Variants in SPTBN1 observed in about 807,000 individuals in gnomAD.
The protein encoded by SPTBN1 is spectrin beta chain, non-erythrocytic 1.
A neutral mutation model predicts 266.4 loss-of-function variants in SPTBN1; 32 were observed. The ratio of observed to expected loss-of-function variants is 0.12; its 90% CI spans 0.09 to 0.16. SPTBN1 has a LOEUF of 0.16. SPTBN1 is among the 10% of genes least tolerant of loss of function. SPTBN1 has a pLI of 1.00. For synonymous variants in SPTBN1, 1,336 were observed against 1,162.2 expected (o/e 1.15, Z -3.04); for missense variants, 2,296 against 3,067.1 (o/e 0.75, Z 5.94).
In SPTBN1 at chr2:54,509,952, CTTTCT is replaced by C. The variant is rs1352900767; in HGVS notation, c.-47-16416_-47-16412del. Among the ~76,000 whole-genome samples, 303 of 89,312 alleles carry C rather than the reference CTTTCT, an allele frequency of 3.4e-3. 1 individual carries two copies. The highest frequency in any genetic ancestry group is 5.5e-3 in the African/African-American group (101 of 18,246). The allele number at this position is 89,312 out of a possible 152,430, so 58.6% of individuals were successfully genotyped here. On this transcript the variant is annotated intron_variant, in intron 1 of 35. Transcript: ENST00000356805. ...ATAGTGTCTCTTTGTTCCTTGCTTT[CTTTCT>C]TTTTTTTTTTTTTTTTAATGATAAG... is the stretch of plus-strand genomic sequence containing the variant.
intron 7 of SPTBN1, among the ~76,000 whole-genome samples, chr2:54,618,869 CTCT>C: frequency 6.6e-6 from 1 of 152,296 alleles, no homozygotes; most frequent in South Asian, 2.1e-4. Flanking sequence ...GAACTAATCC[CTCT>C]TTACTCTGTG....
At chr2:54,632,122 CT>C (rs1358948298) in intron 16 of SPTBN1, among the ~76,000 whole-genome samples, 6 of 96,490 alleles carry the variant, frequency 6.2e-5, no homozygotes, top group Non-Finnish European at 1.1e-4. Context: ...TTTTTTTTTT[CT>C]TGAGACCAGT....
chr2:54,664,583 G>C lies in SPTBN1; in HGVS notation c.6551G>C (p.Ser2184Thr), dbSNP rs148708011. ...GCCAAGACTGCCCTCCCAGCCCAGAGTGCCGCCACCTTACCAGCCAGAACC... is the reference window on the plus strand; with the variant it reads ...GCCAAGACTGCCCTCCCAGCCCAGACTGCCGCCACCTTACCAGCCAGAACC... The part of the protein sequence containing the change: ...RKAKTALPAQ[S>T]AATLPARTQE... Residue 2184 changes from serine (S) to threonine (T), a missense_variant, in exon 33 of 36, where the codon AGT becomes ACT. Transcript: ENST00000356805. The surrounding 1 kb of genome is among the most constrained non-coding windows in gnomAD (Gnocchi z 5.6). 4 of 1,614,168 alleles carry C rather than the reference G, an allele frequency of 2.5e-6. No individual in the cohort carries two copies. The Middle Eastern group carries it at 4.9e-4, about 200-fold the overall frequency.
chr2:54,533,019 A>C lies in SPTBN1; in HGVS notation c.148+6453A>C, dbSNP rs1273397303. ...TTTTCACTTAAAGGAAGCATTTGAC[A>C]GTCGCTTCTTTTTAGCATATCTGAA... is the stretch of plus-strand genomic sequence containing the variant. On this transcript the variant is annotated intron_variant, in intron 2 of 35. Transcript: ENST00000356805. The surrounding 1 kb of genome is among the most constrained non-coding windows in gnomAD (Gnocchi z 4.2). 4.6e-5 allele frequency among the ~76,000 whole-genome samples: 7 copies of C among 151,978 alleles called. No homozygotes were observed. The highest frequency in any genetic ancestry group is 7.3e-5 in the African/African-American group (3 of 41,342).
intron 2 of SPTBN1, among the ~76,000 whole-genome samples, chr2:54,571,941 T>A (rs1317654873): frequency 6.6e-6 from 1 of 152,118 alleles, no homozygotes; most frequent in African/African-American, 2.4e-5. Context: ...AAACTAAAAC[T>A]CCAGGAAGGG....
At chr2:54,512,211 T>A (rs555503424) in intron 1 of SPTBN1, among the ~76,000 whole-genome samples, 1 of 152,348 alleles carries the variant, frequency 6.6e-6, no homozygotes, top group East Asian at 1.9e-4. Context: ...TGGGGACCCC[T>A]CTAATAGAGG....
chr2:54,554,030 G>A lies in SPTBN1; in HGVS notation c.148+27464G>A, dbSNP rs1015441209. On this transcript the variant is annotated intron_variant, in intron 2 of 35. Coordinates refer to ENST00000356805, the MANE Select transcript of SPTBN1 (RefSeq NM_003128.3). The surrounding 1 kb of genome is among the most constrained non-coding windows in gnomAD (Gnocchi z 4.5). Reference sequence around the variant, plus strand: ...CTAATAAAACCCACTCAGAACCACAGAACACTTCAAGCAGCAAGCTCTAGG... The same window carrying A: ...CTAATAAAACCCACTCAGAACCACAAAACACTTCAAGCAGCAAGCTCTAGG... Among the ~76,000 whole-genome samples, 6 of 152,166 alleles carry A rather than the reference G, an allele frequency of 3.9e-5. No individual in the cohort carries two copies. The highest frequency in any genetic ancestry group is 2.6e-4 in the Admixed American group (4 of 15,278).
At chr2:54,461,712 C>A (rs757459450) in intron 1 of SPTBN1, among the ~76,000 whole-genome samples, 1 of 152,152 alleles carries the variant, frequency 6.6e-6, no homozygotes, top group African/African-American at 2.4e-5. Flanking sequence ...ACATTATTAA[C>A]CATTTGGGTT....
chr2:54,622,437 A>G lies in SPTBN1; in HGVS notation c.1014A>G (p.Gln338=), dbSNP rs757603671. Reference sequence around the variant, plus strand: ...TTGCCAATTCACTGGTCGGGGTTCAACAGCAGCTTCAGGCATTCAACACTT... The same window carrying G: ...TTGCCAATTCACTGGTCGGGGTTCAGCAGCAGCTTCAGGCATTCAACACTT... ...RKFANSLVGV[Q]QQLQAFNTYR... Residue 338 remains glutamine (Q), a synonymous_variant, in exon 9 of 36, where the codon CAA becomes CAG. Transcript: ENST00000356805. The G allele has an allele frequency of 1.2e-6, 2 of 1,614,238 alleles. No homozygotes were observed. The highest frequency in any genetic ancestry group is 1.7e-6 in the Non-Finnish European group (2 of 1,180,040).
intron 2 of SPTBN1, among the ~76,000 whole-genome samples, chr2:54,567,743 A>G (rs970733600): frequency 1.3e-5 from 2 of 152,100 alleles, no homozygotes; most frequent in Non-Finnish European, 2.9e-5. Flanking sequence ...ACATTTATAT[A>G]TAAATTTCTT....
intron 1 of SPTBN1, among the ~76,000 whole-genome samples, chr2:54,473,620 C>T (rs1177694914): frequency 6.6e-6 from 1 of 151,988 alleles, no homozygotes; most frequent in Non-Finnish European, 1.5e-5. Context: ...ACTTAGCATA[C>T]CATTATCTGG....
At chr2:54,521,307 C>T (rs1187690835) in intron 1 of SPTBN1, among the ~76,000 whole-genome samples, 2 of 152,184 alleles carry the variant, frequency 1.3e-5, no homozygotes, top group African/African-American at 2.4e-5. Context: ...TAGAAGGGAC[C>T]TTTCCATGAT....
intron 29 of SPTBN1, among the ~76,000 whole-genome samples, chr2:54,656,872 G>A (rs773509085): frequency 2.4e-4 from 37 of 152,246 alleles, no homozygotes; most frequent in Admixed American, 2.0e-4. Flanking sequence ...ACACTGAACC[G>A]GGCACCAGCT....
chr2:54,561,344 G>T (rs1450676939), intron 2 of SPTBN1, among the ~76,000 whole-genome samples: 3 of 152,192 alleles, frequency 2.0e-5, no homozygotes, highest in African/African-American at 7.2e-5. Context: ...ATGTTGCTCA[G>T]GCTGGTGTTG....
chr2:54,508,165 G>A (rs1669671714), intron 1 of SPTBN1, among the ~76,000 whole-genome samples: 1 of 152,060 alleles, frequency 6.6e-6, no homozygotes, highest in African/African-American at 2.4e-5. Flanking sequence ...ACTAGTAAAG[G>A]CCGGTCCGTT....
chr2:54,662,127 A>C (rs374934676), intron 32 of SPTBN1: 10 of 985,240 alleles, frequency 1.0e-5, no homozygotes, highest in Non-Finnish European at 1.1e-5. Flanking sequence ...CAGCCACTAA[A>C]GCACTCTGGA....
Position 54,533,349 on chromosome 2 carries a change from A to ATGTGT in SPTBN1, c.148+6783_148+6784insTGTGT, listed in dbSNP as rs1491300403. Among the ~76,000 whole-genome samples the ATGTGT allele has an allele frequency of 7.0e-6, 1 of 141,884 alleles. No homozygotes were observed. The highest frequency in any genetic ancestry group is 2.7e-5 in the African/African-American group (1 of 37,702). 93.1% of individuals were successfully genotyped at this position (141,884 alleles called of 152,430 possible). A position where few individuals can be genotyped will look rare whatever the true frequency, so the allele number is the denominator to read the frequency against. On this transcript the variant is annotated intron_variant, in intron 2 of 35. Coordinates refer to ENST00000356805, the MANE Select transcript of SPTBN1 (RefSeq NM_003128.3). The surrounding 1 kb of genome is among the most constrained non-coding windows in gnomAD (Gnocchi z 4.2). ...AGTGAAACCCAGGCTAAAGGGGACTAGTGTGTGTGTGTGTGTGTGTGTGTG... is the reference window on the plus strand; with the variant it reads ...AGTGAAACCCAGGCTAAAGGGGACTATGTGTGTGTGTGTGTGTGTGTGTGTGTGTG...
intron 2 of SPTBN1, among the ~76,000 whole-genome samples, chr2:54,578,081 C>A (rs12713264): frequency 0.32 from 48,011 of 152,014 alleles, 9,384 homozygotes; most frequent in African/African-American, 0.56. Context: ...GCTGACAGTA[C>A]AGACTCTCTT....
At chr2:54,519,573 G>A (rs1670307842) in intron 1 of SPTBN1, among the ~76,000 whole-genome samples, 1 of 152,166 alleles carries the variant, frequency 6.6e-6, no homozygotes, top group African/African-American at 2.4e-5. Flanking sequence ...CTTAGGACAT[G>A]GATAGTGGGA....
Sources: gnomAD v4.1 joint callset for allele counts (sites outside exome capture counted in the v4.1 genomes callset) on GRCh38, gnomAD v4.1.1 for gene constraint, Gnocchi (gnomAD v3.1) non-coding constraint, MANE v1.5 for transcripts, NCBI Gene and HGNC (gene_info 2026-07-23, HGNC 2026-07-21) for gene names.